Variants in CPD observed in about 807,000 individuals in gnomAD.
CPD encodes carboxypeptidase D, also known as metallocarboxypeptidase D.
In CPD, 69 loss-of-function variants were observed where a neutral mutation model predicts 138.3. The ratio of observed to expected loss-of-function variants is 0.50; its 90% CI spans 0.41 to 0.61. CPD has a LOEUF of 0.61. CPD is among the 20% of genes least tolerant of loss of function. The pLI, the probability that CPD is intolerant of heterozygous loss-of-function variation, is 0.00. For synonymous variants in CPD, 651 were observed against 642.1 expected, an observed-to-expected ratio of 1.01 and a Z score of -0.21; for missense variants, 1,432 against 1,733.3, an observed-to-expected ratio of 0.83 and a Z score of 3.09.
At chr17:30,403,089 A>G (rs553810770) in intron 2 of CPD, among the ~76,000 whole-genome samples, 1 of 152,330 alleles carries the variant, frequency 6.6e-6, no homozygotes, top group East Asian at 1.9e-4. Flanking sequence ...CTGGGCAACA[A>G]GAATGAAACT....
intron 2 of CPD, 24 bp from the exon 3 acceptor site, chr17:30,420,817 A>T: frequency 6.3e-7 from 1 of 1,588,626 alleles, no homozygotes; most frequent in Non-Finnish European, 8.6e-7. Flanking sequence ...TTCTGAGAGT[A>T]AACTTATTTT....
At chr17:30,394,553 TC>T (rs1364269356) in intron 2 of CPD, among the ~76,000 whole-genome samples, 1 of 152,200 alleles carries the variant, frequency 6.6e-6, no homozygotes, top group Non-Finnish European at 1.5e-5. Flanking sequence ...GTAGTGCTAT[TC>T]GTTTTGGAGT....
intron 20 of CPD, 28 bp downstream of exon 20, chr17:30,462,497 AAAG>A (rs751365092): frequency 2.1e-5 from 32 of 1,533,634 alleles, no homozygotes; most frequent in Admixed American, 6.8e-5. Context: ...TTTAGTAGTA[AAAG>A]TTAAAAACAA....
At chr17:30,434,312 C>T (rs185279251) in intron 8 of CPD, among the ~76,000 whole-genome samples, 1 of 152,292 alleles carries the variant, frequency 6.6e-6, no homozygotes, top group African/African-American at 2.4e-5. Flanking sequence ...CAAGAAGTCT[C>T]AGCATGATCT....
Position 30,469,891 on chromosome 17 carries a change from G to A in CPD, c.*5077G>A, listed in dbSNP as rs1913738491. 1 of 151,828 alleles carries A rather than the reference G, an allele frequency of 6.6e-6. No homozygotes were observed. Among genetic ancestry groups the A allele is most frequent in the Non-Finnish European group, 1.5e-5 (1 of 67,928 alleles). 9.4% of individuals were successfully genotyped at this position (151,828 alleles called of 1,614,324 possible). On this transcript the variant is annotated 3_prime_UTR_variant, in exon 21 of 21. Transcript: ENST00000225719. ...TCATACCTGAATCAAGAACCCTTTT[G>A]GTTTGTTTCATAAACAGTAATCTAG... is the stretch of plus-strand genomic sequence containing the variant.
rs1205641921 is a variant in CPD at position 30,467,553 on chromosome 17, G to T, written c.*2739G>T. The T allele has an allele frequency of 6.6e-6, 1 of 152,140 alleles. No homozygotes were observed. The highest frequency in any genetic ancestry group is 1.5e-5 in the Non-Finnish European group (1 of 68,004). 9.4% of individuals were successfully genotyped at this position (152,140 alleles called of 1,614,324 possible). On this transcript the variant is annotated 3_prime_UTR_variant, in exon 21 of 21. Transcript: ENST00000225719. The stretch of plus-strand genomic sequence containing the variant: ...TGGGACTTTGTCATCTTCCAGAAAG[G>T]AAACATATTGTATATTTGGCCCAGT...
intron 20 of CPD, among the ~76,000 whole-genome samples, chr17:30,464,144 A>G (rs1913567559): frequency 6.6e-6 from 1 of 152,152 alleles, no homozygotes; most frequent in Admixed American, 6.5e-5. Context: ...TAATACCAGC[A>G]CTTTGGGAGG....
chr17:30,427,400 T>TA lies in CPD; in HGVS notation c.1861dup (p.Ser621LysfsTer12). On this transcript the variant is annotated frameshift_variant, in exon 7 of 21. Coordinates refer to ENST00000225719, the MANE Select transcript of CPD (RefSeq NM_001304.5). LOFTEE classifies it high-confidence loss of function. ...TTATCATATCATACAGGAGATTCAA[T>TA]AAGTGTAATTGGCAGAAACAACAGC... 1 of 1,613,978 alleles carries TA rather than the reference T, an allele frequency of 6.2e-7. No individual in the cohort carries two copies. The highest frequency in any genetic ancestry group is 8.5e-7 in the Non-Finnish European group (1 of 1,179,878).
intron 11 of CPD, 118 bp from the exon 12 acceptor site, chr17:30,445,573 T>C: frequency 1.5e-6 from 1 of 649,344 alleles, no homozygotes. Flanking sequence ...TTTTGTCTCT[T>C]TAGGAAACTG....
At chr17:30,446,568 T>A (rs1913037374) in intron 12 of CPD, among the ~76,000 whole-genome samples, 1 of 152,234 alleles carries the variant, frequency 6.6e-6, no homozygotes, top group Non-Finnish European at 1.5e-5. Flanking sequence ...CTTAATCCAG[T>A]CTATCATTGA....
chr17:30,410,867 A>G (rs1911947284), intron 2 of CPD, among the ~76,000 whole-genome samples: 1 of 152,128 alleles, frequency 6.6e-6, no homozygotes, highest in Non-Finnish European at 1.5e-5. Flanking sequence ...ATTTAAGGTT[A>G]ATGTTGTTAT....
intron 19 of CPD, 126 bp from the exon 20 acceptor site, chr17:30,462,244 C>A: frequency 9.5e-7 from 1 of 1,051,578 alleles, no homozygotes. Context: ...AATTTTCTAG[C>A]ATTTTGTATA....
Position 30,427,568 on chromosome 17 carries a change from C to T in CPD, c.2017+10C>T, listed in dbSNP as rs1351169089. Reference sequence around the variant, plus strand: ...GCAAACCTGCATGGAGGTATGGCAACTTTATATTCTACTAATCAGTTCTTG... The same window carrying T: ...GCAAACCTGCATGGAGGTATGGCAATTTTATATTCTACTAATCAGTTCTTG... On this transcript the variant is annotated intron_variant, in intron 7 of 20. Transcript: ENST00000225719. 3 of 1,611,380 alleles carry T rather than the reference C, an allele frequency of 1.9e-6. No homozygotes were observed. In the African/African-American group the frequency reaches 4.0e-5, roughly 22 times the overall value.
intron 1 of CPD, among the ~76,000 whole-genome samples, chr17:30,384,099 G>A (rs1911120608): frequency 6.6e-6 from 1 of 152,044 alleles, no homozygotes; most frequent in Non-Finnish European, 1.5e-5. Flanking sequence ...TTTTTTTAAT[G>A]GCCCAATCAG....
In CPD at chr17:30,439,075, C is replaced by T. The variant is rs1163512269; in HGVS notation, c.2228C>T (p.Pro743Leu). ...AATGGAGCTAGTTGGTATAATGTGC[C>T]AGGTAAAGATTCTTTTATATCAAGG... is the stretch of plus-strand genomic sequence containing the variant. ...ITNGASWYNV[P>L]GGMQDWNYLQ... The change falls in exon 9 of 21, where the codon CCA becomes CTA. Residue 743 changes from proline to leucine, a missense_variant and splice_region_variant. By Grantham distance (98) the Pro-to-Leu change is moderately conservative. Coordinates refer to ENST00000225719, the MANE Select transcript of CPD (RefSeq NM_001304.5). The T allele has an allele frequency of 6.4e-7, 1 of 1,567,244 alleles. No homozygotes were observed. Among genetic ancestry groups the T allele is most frequent in the Non-Finnish European group, 8.6e-7 (1 of 1,156,274 alleles).
intron 2 of CPD, among the ~76,000 whole-genome samples, chr17:30,419,802 G>T (rs1422160681): frequency 6.6e-6 from 1 of 152,202 alleles, no homozygotes; most frequent in Non-Finnish European, 1.5e-5. Context: ...ATATCTTTTG[G>T]TGCTGTCAAT....
rs576924658 is a variant in CPD at position 30,387,204 on chromosome 17, G to A, written c.994+1968G>A. 3.3e-5 allele frequency among the ~76,000 whole-genome samples: 5 copies of A among 152,208 alleles called. No homozygotes were observed. In the East Asian group the frequency reaches 5.8e-4, roughly 18 times the overall value. On this transcript the variant is annotated intron_variant, in intron 2 of 20. Transcript: ENST00000225719. Reference sequence around the variant, plus strand: ...ATGATCTTGGCTCACTGTAACCTCCGCCTCCTGGCTTCAAGTGATTCTCCA... The same window carrying A: ...ATGATCTTGGCTCACTGTAACCTCCACCTCCTGGCTTCAAGTGATTCTCCA...
intron 2 of CPD, among the ~76,000 whole-genome samples, chr17:30,386,491 A>G (rs1911190756): frequency 6.6e-6 from 1 of 152,136 alleles, no homozygotes; most frequent in African/African-American, 2.4e-5. Context: ...TTTTAAGTGT[A>G]GAGCTCAGTG....
chr17:30,385,856 A>G (rs1198042174), intron 2 of CPD, among the ~76,000 whole-genome samples: 1 of 151,416 alleles, frequency 6.6e-6, no homozygotes, highest in Non-Finnish European at 1.5e-5. Flanking sequence ...TCCATAATCT[A>G]GATTGTCACT....
Sources: allele counts gnomAD v4.1 joint callset (sites outside exome capture counted in the v4.1 genomes callset), GRCh38; gene constraint gnomAD v4.1.1; transcripts MANE v1.5; gene names NCBI Gene and HGNC (gene_info 2026-07-23, HGNC 2026-07-21).